The following UNC13C variants were observed in gnomAD, a reference collection of about 807,000 sequenced individuals.
The protein encoded by UNC13C is protein unc-13 homolog C.
UNC13C carries 174 observed loss-of-function variants against 245.4 expected under a neutral mutation model. That is an observed-to-expected ratio of 0.71 (90% CI 0.63 to 0.80). The LOEUF (loss-of-function observed/expected upper bound fraction) is 0.80. Ranked by LOEUF, UNC13C falls within the 30% of genes least tolerant of loss-of-function variation. The pLI is 0.00. For missense variants in UNC13C, 2,829 were observed against 2,602.9 expected, an observed-to-expected ratio of 1.09 and a Z score of -1.89; for synonymous variants, 992 against 895.1, an observed-to-expected ratio of 1.11 and a Z score of -1.93.
At chr15:54,237,339 G>A (rs545501334) in intron 6 of UNC13C, among the ~76,000 whole-genome samples, 16 of 152,192 alleles carry the variant, frequency 1.1e-4, no homozygotes, top group Non-Finnish European at 2.1e-4. Flanking sequence ...TGGTTGAGGG[G>A]GCTGGTCATC....
the UNC13C span, among the ~76,000 whole-genome samples, chr15:53,904,352 C>T: frequency 6.6e-6 from 1 of 151,868 alleles, no homozygotes; most frequent in South Asian, 2.1e-4. Context: ...CATAAATGTA[C>T]ATTATAAAGC....
intron 2 of UNC13C, among the ~76,000 whole-genome samples, chr15:54,062,834 G>A (rs1897905576): frequency 6.6e-6 from 1 of 152,192 alleles, no homozygotes; most frequent in Non-Finnish European, 1.5e-5. Flanking sequence ...ATTGACCGCT[G>A]CAAATACTGG....
chr15:54,333,475 A>T (rs1433438413), intron 15 of UNC13C, among the ~76,000 whole-genome samples: 1 of 152,078 alleles, frequency 6.6e-6, no homozygotes, highest in Admixed American at 6.6e-5. Context: ...ACTATTTTAG[A>T]AGCAAGCATT....
chr15:54,227,877 C>A (rs747874948), intron 4 of UNC13C, among the ~76,000 whole-genome samples: 24 of 152,202 alleles, frequency 1.6e-4, no homozygotes, highest in Non-Finnish European at 2.6e-4. Flanking sequence ...CACTTAAGGC[C>A]CTGACGCTCC....
intron 2 of UNC13C, among the ~76,000 whole-genome samples, chr15:54,020,609 A>T (rs1200581686): frequency 6.6e-6 from 1 of 152,076 alleles, no homozygotes; most frequent in Admixed American, 6.5e-5. Context: ...AAAACAAAAG[A>T]TGTTTTGTCA....
chr15:54,013,696 G>A lies in UNC13C; in HGVS notation c.793G>A (p.Gly265Arg), dbSNP rs1895494436. Residue 265 changes from glycine to arginine, a missense_variant, in exon 2 of 33, where the codon GGG (glycine) becomes AGG (arginine). Coordinates refer to ENST00000260323, the MANE Select transcript of UNC13C (RefSeq NM_001080534.3). ...QIETELSELR[G>R]HVNALKHSID... The stretch of plus-strand genomic sequence containing the variant: ...TGAAACAGAACTTTCTGAACTACGA[G>A]GGCACGTCAATGCTCTCAAGCACTC... The A allele has an allele frequency of 1.9e-6, 3 of 1,613,480 alleles. No individual in the cohort carries two copies. Among genetic ancestry groups the A allele is most frequent in the South Asian group, 1.1e-5 (1 of 91,054 alleles).
chr15:54,428,272 C>G (rs949766100), intron 19 of UNC13C, among the ~76,000 whole-genome samples: 4 of 151,688 alleles, frequency 2.6e-5, no homozygotes, highest in Non-Finnish European at 5.9e-5. Flanking sequence ...GAAATCCAGT[C>G]TTTACCCTGA....
intron 4 of UNC13C, among the ~76,000 whole-genome samples, chr15:54,217,193 G>A (rs911355531): frequency 6.6e-6 from 1 of 151,858 alleles, no homozygotes; most frequent in East Asian, 1.9e-4. Context: ...TCAGATATTA[G>A]GGTTCATAGA....
the UNC13C span, among the ~76,000 whole-genome samples, chr15:53,848,078 C>T: frequency 4.4e-5 from 6 of 136,940 alleles, no homozygotes; most frequent in Non-Finnish European, 6.5e-5. Context: ...TTTCGGACAT[C>T]GGTGATTTAT....
intron 2 of UNC13C, among the ~76,000 whole-genome samples, chr15:54,126,182 G>A (rs2031026252): frequency 6.6e-6 from 1 of 152,004 alleles, no homozygotes; most frequent in Non-Finnish European, 1.5e-5. Flanking sequence ...AAAAGTTACA[G>A]CATAATAAAG....
chr15:54,128,330 T>C (rs564041483), intron 2 of UNC13C, among the ~76,000 whole-genome samples: 3 of 152,232 alleles, frequency 2.0e-5, no homozygotes, highest in African/African-American at 4.8e-5. Flanking sequence ...CGAATATTTA[T>C]TTTTATATCC....
chr15:54,570,788 T>C (rs1897720905), intron 30 of UNC13C, among the ~76,000 whole-genome samples: 2 of 152,250 alleles, frequency 1.3e-5, no homozygotes, highest in Non-Finnish European at 1.5e-5. Flanking sequence ...TACTTATTTC[T>C]GTAACAAATC....
chr15:54,523,452 C>T (rs1298449336), intron 24 of UNC13C, among the ~76,000 whole-genome samples: 1 of 152,184 alleles, frequency 6.6e-6, no homozygotes, highest in African/African-American at 2.4e-5. Flanking sequence ...TAGAAACATA[C>T]CTATGTATCC....
chr15:54,190,556 A>T (rs115048882), intron 4 of UNC13C, among the ~76,000 whole-genome samples: 1 of 152,222 alleles, frequency 6.6e-6, no homozygotes, highest in Admixed American at 6.6e-5. Context: ...AACATAACAT[A>T]TAGGTCTTTA....
At chr15:54,260,832 A>T (rs893696371) in intron 8 of UNC13C, among the ~76,000 whole-genome samples, 1 of 147,984 alleles carries the variant, frequency 6.8e-6, no homozygotes, top group African/African-American at 2.5e-5. Context: ...TGTAGATACT[A>T]TCTATAGATA....
At chr15:54,449,102 C>A (rs748854261) in intron 19 of UNC13C, among the ~76,000 whole-genome samples, 271 of 152,204 alleles carry the variant, frequency 1.8e-3, no homozygotes, top group Middle Eastern at 6.8e-3. Context: ...GAATATTGGC[C>A]CCCACTCTCT....
the UNC13C span, among the ~76,000 whole-genome samples, chr15:53,945,742 C>G: frequency 6.6e-5 from 10 of 151,438 alleles, no homozygotes; most frequent in African/African-American, 1.2e-4. Context: ...TTTTTTGGTT[C>G]CATATGAATT....
intron 28 of UNC13C, among the ~76,000 whole-genome samples, chr15:54,552,485 ATATAT>A (rs869260722): frequency 4.3e-5 from 2 of 46,152 alleles, no homozygotes; most frequent in African/African-American, 2.5e-4. Flanking sequence ...TAATATAATT[ATATAT>A]TATATTATAT....
chr15:53,982,919 C>T (rs1893982161), intron 1 of UNC13C, among the ~76,000 whole-genome samples: 1 of 152,182 alleles, frequency 6.6e-6, no homozygotes, highest in African/African-American at 2.4e-5. Flanking sequence ...CTCTGACTTG[C>T]TTCTCCTGAG....
Sources: gnomAD v4.1 joint callset for allele counts (sites outside exome capture counted in the v4.1 genomes callset) on GRCh38, gnomAD v4.1.1 for gene constraint, MANE v1.5 for transcripts, NCBI Gene and HGNC (gene_info 2026-07-23, HGNC 2026-07-21) for gene names.